The following NKAIN2 variants were observed in gnomAD, a reference collection of about 807,000 sequenced individuals.
NKAIN2 encodes the protein sodium/potassium transporting ATPase interacting 2, also known as sodium/potassium-transporting ATPase subunit beta-1-interacting protein 2.
Under a neutral mutation model 32.6 loss-of-function variants are expected in NKAIN2, and 14 were observed. The ratio of observed to expected loss-of-function variants is 0.43; its 90% CI spans 0.28 to 0.67. NKAIN2 has a LOEUF of 0.67. Ranked by LOEUF, NKAIN2 falls within the 30% of genes least tolerant of loss-of-function variation. The probability of loss-of-function intolerance (pLI) is 0.17; values close to 1 mark genes in which losing one functional copy is unlikely to be tolerated. For missense variants in NKAIN2, 198 were observed against 258.3 expected (o/e 0.77, Z 1.60); for synonymous variants, 80 against 87.2 (o/e 0.92, Z 0.46).
intron 4 of NKAIN2, among the ~76,000 whole-genome samples, chr6:124,661,733 G>A (rs549740283): frequency 1.3e-3 from 194 of 152,136 alleles, no homozygotes; most frequent in African/African-American, 4.0e-3. Flanking sequence ...GCATCAGATA[G>A]CACATTCAAA....
chr6:124,341,811 T>C (rs1344565501), intron 2 of NKAIN2, among the ~76,000 whole-genome samples: 2 of 152,198 alleles, frequency 1.3e-5, no homozygotes, highest in South Asian at 2.1e-4. Context: ...CAGGTTTATA[T>C]AGGTTGATTT....
intron 4 of NKAIN2, among the ~76,000 whole-genome samples, chr6:124,708,804 T>C (rs1279690517): frequency 4.0e-5 from 6 of 150,006 alleles, no homozygotes; most frequent in Non-Finnish European, 8.9e-5. Context: ...TTTGACTTCC[T>C]CTTTTCCTAA....
At chr6:123,960,943 C>T (rs1044472083) in intron 1 of NKAIN2, among the ~76,000 whole-genome samples, 2 of 151,820 alleles carry the variant, frequency 1.3e-5, no homozygotes, top group African/African-American at 4.8e-5. Context: ...GGAAATATGT[C>T]TTCCATTCTG....
chr6:124,094,984 T>C (rs1049798678), intron 1 of NKAIN2, among the ~76,000 whole-genome samples: 1 of 152,190 alleles, frequency 6.6e-6, no homozygotes, highest in Non-Finnish European at 1.5e-5. Flanking sequence ...AGTACTTAAC[T>C]TTTTTAAATG....
At chr6:124,068,660 C>CATGGGCA (rs1783301522) in intron 1 of NKAIN2, among the ~76,000 whole-genome samples, 1 of 151,916 alleles carries the variant, frequency 6.6e-6, no homozygotes, top group African/African-American at 2.4e-5. Context: ...GGTTGGTGGA[C>CATGGGCA]ATGGGCAGTG....
intron 5 of NKAIN2, among the ~76,000 whole-genome samples, chr6:124,796,986 G>A (rs1166005801): frequency 6.6e-6 from 1 of 151,970 alleles, no homozygotes; most frequent in African/African-American, 2.4e-5. Flanking sequence ...CTGGTCGGGT[G>A]TGCCTTTTAT....
intron 4 of NKAIN2, among the ~76,000 whole-genome samples, chr6:124,665,508 A>G (rs1480754034): frequency 1.3e-5 from 2 of 152,230 alleles, no homozygotes; most frequent in African/African-American, 2.4e-5. Flanking sequence ...GTAGTTCTCT[A>G]TACTGGCTGA....
At chr6:123,844,820 A>C (rs1429866270) in intron 1 of NKAIN2, among the ~76,000 whole-genome samples, 1 of 152,188 alleles carries the variant, frequency 6.6e-6, no homozygotes, top group South Asian at 2.1e-4. Context: ...CCATATTTAT[A>C]TGGTCAGTAT....
At chr6:124,373,630 G>A (rs1799865373) in intron 3 of NKAIN2, among the ~76,000 whole-genome samples, 1 of 152,170 alleles carries the variant, frequency 6.6e-6, no homozygotes, top group Admixed American at 6.6e-5. Flanking sequence ...AGAGGATCCA[G>A]AAAAGGAGAC....
At chr6:124,608,629 A>T (rs1782581386) in intron 3 of NKAIN2, among the ~76,000 whole-genome samples, 1 of 152,188 alleles carries the variant, frequency 6.6e-6, no homozygotes, top group Non-Finnish European at 1.5e-5. Context: ...TCCAAGTTTT[A>T]AGAAGCTAGA....
intron 1 of NKAIN2, among the ~76,000 whole-genome samples, chr6:124,079,927 T>G (rs1582601254): frequency 1.4e-4 from 20 of 138,434 alleles, no homozygotes; most frequent in South Asian, 2.3e-4. Flanking sequence ...GGTTGGGGGG[T>G]GGCATTTGGA....
intron 1 of NKAIN2, among the ~76,000 whole-genome samples, chr6:124,126,639 T>G (rs1010450467): frequency 1.3e-5 from 2 of 152,026 alleles, no homozygotes; most frequent in African/African-American, 4.8e-5. Context: ...GAGAGACAAA[T>G]AGCTGGGCAC....
intron 4 of NKAIN2, among the ~76,000 whole-genome samples, chr6:124,686,109 A>G (rs562831667): frequency 1.1e-4 from 16 of 152,210 alleles, no homozygotes; most frequent in Admixed American, 2.0e-4. Context: ...GTCAACCAGC[A>G]GACTCTTTCA....
chr6:124,448,187 A>T (rs187714285), intron 3 of NKAIN2, among the ~76,000 whole-genome samples: 15 of 152,178 alleles, frequency 9.9e-5, no homozygotes, highest in Admixed American at 6.5e-5. Context: ...ATCTCTAAGG[A>T]CACTCATGGG....
chr6:124,132,892 C>A (rs564639802), intron 1 of NKAIN2, among the ~76,000 whole-genome samples: 1 of 152,346 alleles, frequency 6.6e-6, no homozygotes, highest in Non-Finnish European at 1.5e-5. Flanking sequence ...GGAGCCCCAT[C>A]TCTAGGGGAA....
chr6:124,136,915 G>A (rs1786822080), intron 1 of NKAIN2, among the ~76,000 whole-genome samples: 1 of 152,020 alleles, frequency 6.6e-6, no homozygotes, highest in African/African-American at 2.4e-5. Context: ...ATACTGAATG[G>A]GAAAATTGAA....
chr6:124,668,191 A>C (rs1772905062), intron 4 of NKAIN2, among the ~76,000 whole-genome samples: 1 of 152,276 alleles, frequency 6.6e-6, no homozygotes, highest in South Asian at 2.1e-4. Flanking sequence ...TCATACTATT[A>C]CACTTTATTA....
intron 3 of NKAIN2, among the ~76,000 whole-genome samples, chr6:124,462,411 A>G (rs988964152): frequency 2.6e-5 from 4 of 151,996 alleles, no homozygotes; most frequent in Admixed American, 6.6e-5. Context: ...CAGCCTATGC[A>G]TATTTGAGAA....
chr6:123,941,358 C>T lies in NKAIN2; in HGVS notation c.54+137104C>T, dbSNP rs182167226. ...TAATTAGGTAAACCAGTCATATAGT[C>T]ATTTATTATCATAATCAAGTGTTAT... On this transcript the variant is annotated intron_variant, in intron 1 of 6. Transcript: ENST00000368417. 1.0e-3 allele frequency among the ~76,000 whole-genome samples: 153 copies of T among 151,716 alleles called. 1 individual carries two copies. Among genetic ancestry groups the T allele is most frequent in the African/African-American group, 3.5e-3 (144 of 41,400 alleles).
Sources: gnomAD v4.1 joint callset for allele counts (sites outside exome capture counted in the v4.1 genomes callset) on GRCh38, gnomAD v4.1.1 for gene constraint, MANE v1.5 for transcripts, NCBI Gene and HGNC (gene_info 2026-07-23, HGNC 2026-07-21) for gene names.